Variants in PKNOX2 observed in about 807,000 individuals in gnomAD.
The protein encoded by PKNOX2 is homeobox protein PKNOX2.
In PKNOX2, 14 loss-of-function variants were observed where a neutral mutation model predicts 53.1. The ratio of observed to expected loss-of-function variants is 0.26; its 90% confidence interval spans 0.17 to 0.41. PKNOX2 has a LOEUF of 0.41. Ranked by LOEUF, PKNOX2 falls within the 10% of genes least tolerant of loss-of-function variation. The pLI is 1.00. For missense variants in PKNOX2, 496 were observed against 602.8 expected (o/e 0.82, Z 1.85); for synonymous variants, 257 against 242.8 (o/e 1.06, Z -0.54).
At chr11:125,189,423 G>GTATATATA (rs1956677169) in intron 1 of PKNOX2, among the ~76,000 whole-genome samples, 2 of 44,350 alleles carry the variant, frequency 4.5e-5, no homozygotes, top group Non-Finnish European at 8.3e-5. Context: ...ATGTGTGTGT[G>GTATATATA]TGTGTGTGTG....
chr11:125,396,086 T>C (rs1954380452), intron 6 of PKNOX2, among the ~76,000 whole-genome samples: 1 of 152,076 alleles, frequency 6.6e-6, no homozygotes, highest in Admixed American at 6.6e-5. Context: ...CCCAAGTAGC[T>C]GGGACTTCAG....
intron 2 of PKNOX2, among the ~76,000 whole-genome samples, chr11:125,288,991 T>C (rs1303694634): frequency 2.6e-5 from 4 of 152,270 alleles, no homozygotes; most frequent in Admixed American, 2.0e-4. Context: ...GGGGACCATG[T>C]CTTATGTATC....
At chr11:125,254,372 C>T (rs1944245828) in intron 2 of PKNOX2, among the ~76,000 whole-genome samples, 1 of 152,200 alleles carries the variant, frequency 6.6e-6, no homozygotes, top group Admixed American at 6.5e-5. Flanking sequence ...GGTGCCACCT[C>T]CTCAGCAGCT....
intron 1 of PKNOX2, 110 bp downstream of exon 1, chr11:125,164,886 A>C (rs1954732114): frequency 6.1e-6 from 1 of 163,354 alleles, no homozygotes; most frequent in South Asian, 1.4e-4. Context: ...GTTTTATTCC[A>C]GTCCCCAAGC....
At chr11:125,394,511 C>T (rs942007371) in intron 6 of PKNOX2, among the ~76,000 whole-genome samples, 13 of 152,208 alleles carry the variant, frequency 8.5e-5, no homozygotes, top group Admixed American at 5.9e-4. Context: ...ATCAGACAAG[C>T]CACAAGCCCA....
chr11:125,266,024 C>A (rs1174178786), intron 2 of PKNOX2, among the ~76,000 whole-genome samples: 2 of 152,124 alleles, frequency 1.3e-5, no homozygotes, highest in African/African-American at 4.8e-5. Context: ...CCATAACTGG[C>A]CAGGTCTCTG....
At chr11:125,410,980 C>T in intron 9 of PKNOX2, 104 bp downstream of exon 9, 2 of 914,626 alleles carry the variant, frequency 2.2e-6, no homozygotes, top group Middle Eastern at 2.1e-4. Flanking sequence ...ATTGAATCCT[C>T]ATCATCCTCT....
chr11:125,257,051 A>G (rs1944458244), intron 2 of PKNOX2, among the ~76,000 whole-genome samples: 1 of 150,758 alleles, frequency 6.6e-6, no homozygotes, highest in Non-Finnish European at 1.5e-5. Flanking sequence ...TTTGTACCAC[A>G]TTCTTCATTA....
At position 125,410,100 on chromosome 11, in the gene PKNOX2, G is replaced by T. The variant is rs150437349; in HGVS notation, c.589-96G>T. ...GGAGGAGCTAGAAGGAGGGAGGGGG[G>T]CAGGCAGGAAGGGGAAAGGACGGAA... is the stretch of plus-strand genomic sequence containing the variant. On this transcript the variant is annotated intron_variant, in intron 7 of 12. Coordinates refer to ENST00000298282, the MANE Select transcript of PKNOX2 (RefSeq NM_001382323.2). 819 of 1,477,618 alleles carry T rather than the reference G, an allele frequency of 5.5e-4. 3 individuals carry two copies. In the African/African-American group the frequency reaches 0.01, roughly 19 times the overall value. The allele number at this position is 1,477,618 out of a possible 1,614,324, so 91.5% of individuals were successfully genotyped here.
At chr11:125,220,685 C>T (rs11219975) in intron 1 of PKNOX2, among the ~76,000 whole-genome samples, 105 of 152,304 alleles carry the variant, frequency 6.9e-4, no homozygotes, top group Non-Finnish European at 1.0e-3. Context: ...TGCCTAGGAT[C>T]CGGCCTTGTT....
intron 2 of PKNOX2, among the ~76,000 whole-genome samples, chr11:125,304,930 T>C (rs1008354082): frequency 1.6e-4 from 24 of 152,152 alleles, no homozygotes; most frequent in African/African-American, 5.6e-4. Flanking sequence ...TTAGCAGGAG[T>C]TAGCCTCGTG....
chr11:125,192,319 C>A (rs1169319558), intron 1 of PKNOX2, among the ~76,000 whole-genome samples: 1 of 152,174 alleles, frequency 6.6e-6, no homozygotes, highest in Non-Finnish European at 1.5e-5. Context: ...GCTATGCACT[C>A]ATTCACAGGC....
intron 1 of PKNOX2, among the ~76,000 whole-genome samples, chr11:125,192,740 C>A (rs1401803717): frequency 2.6e-5 from 4 of 152,202 alleles, no homozygotes; most frequent in Admixed American, 2.6e-4. Flanking sequence ...CCTTGTTCCC[C>A]AAGTCTCAGC....
At chr11:125,304,334 G>A (rs138344968) in intron 2 of PKNOX2, among the ~76,000 whole-genome samples, 3 of 152,254 alleles carry the variant, frequency 2.0e-5, no homozygotes, top group Admixed American at 6.5e-5. Context: ...GTCTATAAAC[G>A]GCCTGCCTGC....
intron 1 of PKNOX2, among the ~76,000 whole-genome samples, chr11:125,192,346 G>A (rs1024808195): frequency 6.6e-6 from 1 of 152,222 alleles, no homozygotes; most frequent in Non-Finnish European, 1.5e-5. Context: ...GCTAAAGAAT[G>A]TGTCTGAAGG....
intron 2 of PKNOX2, among the ~76,000 whole-genome samples, chr11:125,297,879 G>T (rs966414797): frequency 6.6e-6 from 1 of 152,122 alleles, no homozygotes; most frequent in Non-Finnish European, 1.5e-5. Flanking sequence ...CCTTCCCATA[G>T]ATTAGCTCAT....
At chr11:125,405,230 A>G (rs1043829688) in intron 7 of PKNOX2, among the ~76,000 whole-genome samples, 1 of 152,250 alleles carries the variant, frequency 6.6e-6, no homozygotes, top group African/African-American at 2.4e-5. Context: ...CCTGTTTCAC[A>G]GGCATCCAAG....
chr11:125,178,653 G>GGAAGGAAA (rs1565462472), intron 1 of PKNOX2, among the ~76,000 whole-genome samples: 1 of 56,682 alleles, frequency 1.8e-5, no homozygotes, highest in South Asian at 7.1e-4. Flanking sequence ...AAAGAAGGAA[G>GGAAGGAAA]GAAGGAAGGA....
intron 4 of PKNOX2, among the ~76,000 whole-genome samples, chr11:125,367,513 A>T (rs1344727197): frequency 6.6e-6 from 1 of 152,252 alleles, no homozygotes; most frequent in Admixed American, 6.5e-5. Context: ...ACTCATAAGC[A>T]CAATTTAAAG....
Sources: allele counts gnomAD v4.1 joint callset (sites outside exome capture counted in the v4.1 genomes callset), GRCh38; gene constraint gnomAD v4.1.1; transcripts MANE v1.5; gene names NCBI Gene and HGNC (gene_info 2026-07-23, HGNC 2026-07-21).